Variants in NLRP7 observed in about 807,000 individuals in gnomAD.
The protein encoded by NLRP7 is NLR family pyrin domain containing 7.
A neutral mutation model predicts 85.5 loss-of-function variants in NLRP7; 72 were observed. The observed-to-expected ratio is 0.84, with a 90% CI of 0.70 to 1.02. The LOEUF (loss-of-function observed/expected upper bound fraction) is 1.02, where lower values mean the gene tolerates loss of function less well. Ranked by LOEUF, NLRP7 falls within the 50% of genes least tolerant of loss-of-function variation. NLRP7 has a pLI of 0.00. For synonymous variants in NLRP7, 550 were observed against 505.2 expected, an observed-to-expected ratio of 1.09 and a Z score of -1.19; for missense variants, 1,243 against 1,219.5, an observed-to-expected ratio of 1.02 and a Z score of -0.29.
rs559765700 is a variant in NLRP7, at chr19:54,939,679, C to T, written c.1140G>A (p.Gly380=). 3.3e-5 allele frequency: 53 copies of T among 1,613,132 alleles called. No individual in the cohort carries two copies. In the South Asian group the frequency reaches 5.7e-4, roughly 17 times the overall value. The change falls in exon 4 of 10, where the codon GGG becomes GGA. Residue 380 remains glycine, a synonymous_variant. Coordinates refer to ENST00000340844, the Ensembl canonical transcript of NLRP7. Reference sequence around the variant, plus strand: ...TGAGGCAGGTGGGGACCGGGTCCTCCCCCTTCTCCATCTGCAGCTTCAGAG... The same window carrying T: ...TGAGGCAGGTGGGGACCGGGTCCTCTCCCTTCTCCATCTGCAGCTTCAGAG...
At position 54,934,488 on chromosome 19, in the gene NLRP7, C is replaced by A. The variant is rs104895505; in HGVS notation, c.2471+1G>T. ...GCTGCCCATGGGAAGAGGAGACTTA[C>A]GACAACATCTGCAGGAAGTGTTTTG... On this transcript the variant is annotated splice_donor_variant, in intron 7 of 9. Transcript: ENST00000340844. LOFTEE classifies it high-confidence loss of function. The surrounding 1 kb of genome is among the most constrained non-coding windows in gnomAD (Gnocchi z 6.7). The A allele has an allele frequency of 1.2e-6, 2 of 1,613,898 alleles. No homozygotes were observed. Among genetic ancestry groups the A allele is most frequent in the Admixed American group, 3.3e-5 (2 of 59,986 alleles).
rs145295571 is a variant in NLRP7 at position 54,934,550 on chromosome 19, C to T, written c.2410G>A (p.Glu804Lys). 2 of 1,614,070 alleles carry T rather than the reference C, an allele frequency of 1.2e-6. No individual in the cohort carries two copies. The highest frequency in any genetic ancestry group is 1.3e-5 in the African/African-American group (1 of 74,934). Reference sequence around the variant, plus strand: ...GTCTTGTACAGCAACATGGCACCCTCATCCAGGAGCACATTGGCTGAGAGA... The same window carrying T: ...GTCTTGTACAGCAACATGGCACCCTTATCCAGGAGCACATTGGCTGAGAGA... Residue 804 changes from glutamate (E) to lysine (K), a missense_variant, in exon 7 of 10, where the codon GAG (glutamate) becomes AAG (lysine). Glu to Lys is a moderately conservative substitution (Grantham distance 56, BLOSUM62 1). This residue lies in a region of NLRP7 where 613 missense variants were observed against 588.4 expected (regional missense o/e 1.04). Transcript: ENST00000340844. This position sits in a 1 kb window ranked among gnomAD's most constrained non-coding sequence, Gnocchi z 6.7.
chr19:54,960,094 C>T (rs1185421117), intron 1 of NLRP7, among the ~76,000 whole-genome samples: 5 of 151,960 alleles, frequency 3.3e-5, no homozygotes, highest in African/African-American at 9.7e-5. Flanking sequence ...TCCATCTACC[C>T]GAACCAAACT....
At chr19:54,943,444 A>G in intron 1 of NLRP7, among the ~76,000 whole-genome samples, 1 of 151,988 alleles carries the variant, frequency 6.6e-6, no homozygotes, top group Admixed American at 6.6e-5. Flanking sequence ...TACTAAAAAT[A>G]CAAACAATTA....
chr19:54,934,340 T>A lies in NLRP7; in HGVS notation c.2471+149A>T. On this transcript the variant is annotated intron_variant, in intron 7 of 9. Transcript: ENST00000340844. The surrounding 1 kb of genome is among the most constrained non-coding windows in gnomAD (Gnocchi z 6.7). The stretch of plus-strand genomic sequence containing the variant: ...GATCCGCCCACCTCTCTGCTGAGAT[T>A]ACAGGCAGGAGCCACCGTGCCGGGC... 8.6e-6 allele frequency: 7 copies of A among 815,240 alleles called. No individual in the cohort carries two copies. Among genetic ancestry groups the A allele is most frequent in the Non-Finnish European group, 1.5e-5 (7 of 462,508 alleles). 50.5% of individuals were successfully genotyped at this position (815,240 alleles called of 1,614,324 possible). A position where few individuals can be genotyped will look rare whatever the true frequency, so the allele number is the denominator to read the frequency against.
chr19:54,923,618 G>T, exon 10 of NLRP7: 1 of 1,155,160 alleles, frequency 8.7e-7, no homozygotes, highest in Non-Finnish European at 1.3e-6. Context: ...GAAAACCAGT[G>T]TCAAATCCTA....
intron 5 of NLRP7, 93 bp downstream of exon 5, chr19:54,937,951 G>A: frequency 3.5e-6 from 3 of 849,556 alleles, no homozygotes; most frequent in Middle Eastern, 2.6e-4. Context: ...AATACATGGA[G>A]ATGAAACAGC....
chr19:54,957,008 G>GTATT (rs150396854), intron 1 of NLRP7, among the ~76,000 whole-genome samples: 4,349 of 150,370 alleles, frequency 0.029, 71 homozygotes, highest in African/African-American at 0.035. Context: ...ATGTATGTAT[G>GTATT]TATTTATTTA....
At chr19:54,938,327 C>A (rs1405434673) in intron 4 of NLRP7, 86 bp from the exon 5 acceptor site, 1 of 1,076,204 alleles carries the variant, frequency 9.3e-7, no homozygotes, top group East Asian at 2.4e-5. Context: ...ATGGCAAAAA[C>A]CACAATTACT....
At chr19:54,938,854 C>CT (rs2146212263) in intron 4 of NLRP7, 34 bp downstream of exon 4, 1 of 1,611,296 alleles carries the variant, frequency 6.2e-7, no homozygotes, top group East Asian at 2.2e-5. Flanking sequence ...TGGCCTCTTC[C>CT]TAGTGGAGCG....
chr19:54,954,552 A>AG (rs1215239555), intron 1 of NLRP7, among the ~76,000 whole-genome samples: 1 of 147,476 alleles, frequency 6.8e-6, no homozygotes, highest in African/African-American at 2.5e-5. Flanking sequence ...AAAAAAAAAA[A>AG]GGGCAACCGA....
chr19:54,956,265 G>A (rs952444775), intron 1 of NLRP7, among the ~76,000 whole-genome samples: 1 of 152,152 alleles, frequency 6.6e-6, no homozygotes, highest in Non-Finnish European at 1.5e-5. Flanking sequence ...GGGATCTGAT[G>A]CTGTCCCCAG....
chr19:54,937,209 C>T (rs1039685978), intron 5 of NLRP7, among the ~76,000 whole-genome samples: 8 of 146,238 alleles, frequency 5.5e-5, no homozygotes, highest in Non-Finnish European at 9.0e-5. Flanking sequence ...CATAGCGAGA[C>T]TGTCTCAAAA....
chr19:54,962,814 T>A (rs1006115366), intron 1 of NLRP7, among the ~76,000 whole-genome samples: 1 of 150,194 alleles, frequency 6.7e-6, no homozygotes, highest in Non-Finnish European at 1.5e-5. Context: ...TTAGCCAGGA[T>A]GGTCTCCATC....
At chr19:54,957,987 G>T (rs543243130) in intron 1 of NLRP7, among the ~76,000 whole-genome samples, 2 of 152,048 alleles carry the variant, frequency 1.3e-5, no homozygotes, top group Non-Finnish European at 2.9e-5. Context: ...AGGCCCAGGT[G>T]GGTGGATCAC....
intron 9 of NLRP7, among the ~76,000 whole-genome samples, chr19:54,926,915 TTAAAAAAAAAAAA>T (rs1452487513): frequency 7.6e-6 from 1 of 130,882 alleles, no homozygotes; most frequent in Non-Finnish European, 1.6e-5. Context: ...GACTCTGTCT[TTAAAAAAAAAAAA>T]AAAAAAAAAA....
At chr19:54,940,614 G>A in intron 3 of NLRP7, 148 bp from the exon 4 acceptor site, 2 of 900,366 alleles carry the variant, frequency 2.2e-6, no homozygotes, top group Non-Finnish European at 3.7e-6. Context: ...ATCACTTGAG[G>A]TCAGGAGTTC....
In NLRP7 at chr19:54,925,019, T is replaced by C. The variant is rs1351824499; in HGVS notation, c.2811-1147A>G. ...CCAGAGTGAACCCCAGGGTTAATGA[T>C]AGCAAACTTGGCTCTAACGTGGCTG... On this transcript the variant is annotated intron_variant, in intron 9 of 9. Coordinates refer to ENST00000340844, the Ensembl canonical transcript of NLRP7. Among the ~76,000 whole-genome samples, 6 of 152,154 alleles carry C rather than the reference T, an allele frequency of 3.9e-5. No individual in the cohort carries two copies. The South Asian group carries it at 8.3e-4, about 21-fold the overall frequency.
At chr19:54,927,496 C>T (rs1297808642) in intron 9 of NLRP7, 109 bp downstream of exon 10, 16 of 1,050,814 alleles carry the variant, frequency 1.5e-5, no homozygotes, top group Middle Eastern at 2.2e-4. Context: ...GCAGAGGTTG[C>T]GGTGAGCCAA....
Sources: allele counts gnomAD v4.1 joint callset (sites outside exome capture counted in the v4.1 genomes callset), GRCh38; gene constraint gnomAD v4.1.1; regional missense constraint gnomAD v4.1.1; non-coding constraint Gnocchi (gnomAD v3.1); transcripts MANE v1.5; gene names NCBI Gene and HGNC (gene_info 2026-07-23, HGNC 2026-07-21).